Variants in KIAA2012 observed in about 807,000 individuals in gnomAD.
KIAA2012 encodes KIAA2012.
In KIAA2012, 125 loss-of-function variants were observed where a neutral mutation model predicts 150.6. The observed-to-expected ratio is 0.83, with a 90% CI of 0.72 to 0.96. The LOEUF (loss-of-function observed/expected upper bound fraction) is 0.96, where lower values mean the gene tolerates loss of function less well. Among genes scored for constraint, KIAA2012 ranks in the 40% least tolerant of loss-of-function variants. KIAA2012 has a pLI of 0.00. For missense variants in KIAA2012, 1,219 were observed against 1,354.9 expected, an observed-to-expected ratio of 0.90 and a Z score of 1.57; for synonymous variants, 462 against 504.7, an observed-to-expected ratio of 0.92 and a Z score of 1.13.
chr2:202,141,944 GA>G (rs58540527), intron 13 of KIAA2012, among the ~76,000 whole-genome samples: 5,463 of 151,314 alleles, frequency 0.036, 321 homozygotes, highest in African/African-American at 0.13. Context: ...AGTAAAACTA[GA>G]AAAAAAAGTA....
At position 202,193,397 on chromosome 2, in the gene KIAA2012, A is replaced by C; in HGVS notation, c.2908A>C (p.Arg970=). 1 of 1,550,406 alleles carries C rather than the reference A, an allele frequency of 6.4e-7. No homozygotes were observed. Residue 970 remains arginine, a synonymous_variant, in exon 20 of 24, where the codon AGG becomes CGG. Transcript: ENST00000498697. The part of the protein sequence containing the change: ...MRWLEVEKKR[R]EQEEQRQLQQ... ...GTGGCTGGAGGTGGAGAAGAAGAGA[A>C]GGGAGCAGGAAGAGCAAAGGCAGCT...
chr2:202,142,340 G>T (rs569786179), intron 13 of KIAA2012, among the ~76,000 whole-genome samples: 1 of 152,136 alleles, frequency 6.6e-6, no homozygotes, highest in Non-Finnish European at 1.5e-5. Context: ...AATATCCATT[G>T]ATTATGTATT....
At chr2:202,077,951 C>A (rs1243696199) in intron 2 of KIAA2012, among the ~76,000 whole-genome samples, 1 of 152,226 alleles carries the variant, frequency 6.6e-6, no homozygotes, top group Non-Finnish European at 1.5e-5. Flanking sequence ...AGTGCCAGGA[C>A]AGCTATAGGG....
At position 202,075,051 on chromosome 2, in the gene KIAA2012, C is replaced by T. The variant is rs1013228946; in HGVS notation, c.245C>T (p.Ala82Val). 34 of 1,550,602 alleles carry T rather than the reference C, an allele frequency of 2.2e-5. No individual in the cohort carries two copies. The East Asian group carries it at 5.1e-4, about 23-fold the overall frequency. The stretch of plus-strand genomic sequence containing the variant: ...TACTCAGAAGGTTTTGCCATTTCGG[C>T]ATGGACACCCAAAGAGAGGAGAAAA... ...ILYSEGFAIS[A>V]WTPKERRKGP... The change falls in exon 2 of 24, where the codon GCA (alanine) becomes GTA (valine). Residue 82 changes from alanine (A) to valine (V), a missense_variant. Coordinates refer to ENST00000498697, the MANE Select transcript of KIAA2012 (RefSeq NM_001277372.4).
At chr2:202,146,859 AG>A (rs1319049287) in intron 13 of KIAA2012, among the ~76,000 whole-genome samples, 1 of 152,194 alleles carries the variant, frequency 6.6e-6, no homozygotes, top group East Asian at 1.9e-4. Flanking sequence ...GGCTTTAGGC[AG>A]GCTATTTAAC....
At chr2:202,120,117 C>T (rs1308545871) in intron 11 of KIAA2012, among the ~76,000 whole-genome samples, 1 of 152,228 alleles carries the variant, frequency 6.6e-6, no homozygotes, top group Non-Finnish European at 1.5e-5. Flanking sequence ...AATTAAACCT[C>T]TTTCTTTTGT....
At chr2:202,094,294 T>C (rs1422400653) in intron 4 of KIAA2012, among the ~76,000 whole-genome samples, 1 of 152,098 alleles carries the variant, frequency 6.6e-6, no homozygotes, top group East Asian at 1.9e-4. Context: ...AAAATATGTA[T>C]AATGAAATTT....
chr2:202,089,201 AC>A (rs1418694860), intron 2 of KIAA2012, among the ~76,000 whole-genome samples: 1 of 152,194 alleles, frequency 6.6e-6, no homozygotes, highest in East Asian at 1.9e-4. Flanking sequence ...GAATTAACCA[AC>A]CCTGGTATTC....
intron 14 of KIAA2012, among the ~76,000 whole-genome samples, chr2:202,158,240 T>A (rs963581903): frequency 2.0e-5 from 3 of 151,976 alleles, no homozygotes; most frequent in Non-Finnish European, 4.4e-5. Context: ...GCAATCCGCC[T>A]GTCTCAGCCT....
At chr2:202,129,490 GA>G (rs1313303905) in intron 12 of KIAA2012, among the ~76,000 whole-genome samples, 4 of 152,152 alleles carry the variant, frequency 2.6e-5, no homozygotes, top group African/African-American at 9.7e-5. Flanking sequence ...AAAGTGCTGG[GA>G]TTACAGGCAT....
chr2:202,100,299 T>A lies in KIAA2012; in HGVS notation c.1013-8T>A, dbSNP rs1039963159. ...TAATATATTCTCATTCTCATCCTGT[T>A]TTTAAAGATAAACAAAGGAACGTGA... On this transcript the variant is annotated splice_region_variant and splice_polypyrimidine_tract_variant and intron_variant, in intron 6 of 23. Transcript: ENST00000498697. 1.9e-6 allele frequency: 3 copies of A among 1,548,932 alleles called. No individual in the cohort carries two copies. The highest frequency in any genetic ancestry group is 2.6e-6 in the Non-Finnish European group (3 of 1,146,244).
At chr2:202,113,867 A>T (rs1690446539) in intron 11 of KIAA2012, 1 of 155,672 alleles carries the variant, frequency 6.4e-6, no homozygotes, top group Non-Finnish European at 1.4e-5. Context: ...CCTGTGAATC[A>T]TCTGGCTCCT....
At chr2:202,179,522 A>C (rs1273914288) in intron 15 of KIAA2012, 6 of 698,788 alleles carry the variant, frequency 8.6e-6, no homozygotes, top group Admixed American at 3.6e-5. Context: ...TTTGGTGTAC[A>C]GTGGCGTGGG....
chr2:202,165,344 C>G lies in KIAA2012; in HGVS notation c.2107C>G (p.His703Asp). 1.3e-6 allele frequency: 2 copies of G among 1,550,218 alleles called. No individual in the cohort carries two copies. The highest frequency in any genetic ancestry group is 2.4e-5 in the South Asian group (2 of 84,058). ...AGGGAGACCCCTCAGAGAAACTCAC[C>G]ACAACGACCAAGGTACAGACCACTA... ...EAGRPLRETH[H>D]NDQDPEPRSM... Residue 703 changes from histidine (H) to aspartate (D), a missense_variant, in exon 15 of 24, where the codon CAC becomes GAC. His to Asp is a moderately conservative substitution (Grantham distance 81). Transcript: ENST00000498697.
At chr2:202,171,140 C>CACACACACACACACAG (rs1559227617) in intron 15 of KIAA2012, among the ~76,000 whole-genome samples, 1 of 142,802 alleles carries the variant, frequency 7.0e-6, no homozygotes, top group African/African-American at 2.5e-5. Flanking sequence ...CACACACACA[C>CACACACACACACACAG]AGACATATAC....
At chr2:202,186,824 C>A in intron 16 of KIAA2012, 109 bp from the exon 17 acceptor site, 1 of 1,034,872 alleles carries the variant, frequency 9.7e-7, no homozygotes, top group Non-Finnish European at 1.4e-6. Flanking sequence ...TGTCAAATGT[C>A]AGGCACAGTG....
intron 13 of KIAA2012, among the ~76,000 whole-genome samples, chr2:202,152,995 A>C (rs1232899520): frequency 1.3e-5 from 2 of 152,168 alleles, no homozygotes; most frequent in African/African-American, 4.8e-5. Flanking sequence ...AATTTGTCCC[A>C]AAAATAATAA....
At chr2:202,128,147 G>T (rs1174907098) in intron 12 of KIAA2012, among the ~76,000 whole-genome samples, 1 of 152,086 alleles carries the variant, frequency 6.6e-6, no homozygotes, top group African/African-American at 2.4e-5. Context: ...TGCCGATGGG[G>T]TGACACTCAC....
intron 23 of KIAA2012, among the ~76,000 whole-genome samples, chr2:202,204,082 T>G (rs1185225817): frequency 3.9e-4 from 59 of 151,130 alleles, no homozygotes; most frequent in African/African-American, 7.3e-4. Flanking sequence ...TTTTGTTTTT[T>G]TTTTTTTTTT....
Sources: gnomAD v4.1 joint callset for allele counts (sites outside exome capture counted in the v4.1 genomes callset) on GRCh38, gnomAD v4.1.1 for gene constraint, MANE v1.5 for transcripts, NCBI Gene and HGNC (gene_info 2026-07-23, HGNC 2026-07-21) for gene names.